Variants in PTPRG observed in about 807,000 individuals in gnomAD.
PTPRG encodes the protein protein tyrosine phosphatase receptor type G, also known as receptor-type tyrosine-protein phosphatase gamma.
In PTPRG, 102 loss-of-function variants were observed where a neutral mutation model predicts 165.3. The ratio of observed to expected loss-of-function variants is 0.62; its 90% CI spans 0.53 to 0.73. The LOEUF (loss-of-function observed/expected upper bound fraction) is 0.73. Among genes scored for constraint, PTPRG ranks in the 30% least tolerant of loss-of-function variants. PTPRG has a pLI of 0.00. For synonymous variants in PTPRG, 675 were observed against 669.5 expected, an observed-to-expected ratio of 1.01 and a Z score of -0.13; for missense variants, 1,866 against 1,861.4, an observed-to-expected ratio of 1.00 and a Z score of -0.05.
intron 1 of PTPRG, among the ~76,000 whole-genome samples, chr3:61,732,602 G>A (rs557804573): frequency 1.3e-5 from 2 of 150,940 alleles, no homozygotes; most frequent in South Asian, 4.2e-4. Context: ...CCAGCTACTC[G>A]GGAGGCTGAG....
At chr3:61,688,156 C>T (rs1703699819) in intron 1 of PTPRG, among the ~76,000 whole-genome samples, 1 of 152,110 alleles carries the variant, frequency 6.6e-6, no homozygotes, top group Non-Finnish European at 1.5e-5. Context: ...TGTCACTCTT[C>T]GACAGAGAGA....
chr3:61,840,444 C>CA (rs1205358390), intron 2 of PTPRG, among the ~76,000 whole-genome samples: 1 of 151,976 alleles, frequency 6.6e-6, no homozygotes, highest in Non-Finnish European at 1.5e-5. Flanking sequence ...TGTTTTAGGG[C>CA]AAAAAACTTA....
rs531878885 is a variant in PTPRG at position 62,187,124 on chromosome 3, C to T, written c.1034-4345C>T. Among the ~76,000 whole-genome samples the T allele has an allele frequency of 2.0e-5, 3 of 152,360 alleles. No individual in the cohort carries two copies. The South Asian group carries it at 6.2e-4, about 32-fold the overall frequency. On this transcript the variant is annotated intron_variant, in intron 8 of 29. Coordinates refer to ENST00000474889, the MANE Select transcript of PTPRG (RefSeq NM_002841.4). The stretch of plus-strand genomic sequence containing the variant: ...AATGAACCAGACAAGACAGAAAAGG[C>T]GCCAGCCTTGTGGAGCTTCCACCTA...
chr3:61,989,652 C>G lies in PTPRG; in HGVS notation c.218C>G (p.Thr73Arg). Residue 73 changes from threonine (T) to arginine (R), a missense_variant, in exon 3 of 30, where the codon ACG (threonine) becomes AGG (arginine). Transcript: ENST00000474889. The part of the protein sequence containing the change: ...SGAYGPEHWV[T>R]SSVSCGGRHQ... ...GCCTATGGTCCTGAGCACTGGGTCACGTCTAGTGTCAGCTGTGGGGGCCGT... is the reference window on the plus strand; with the variant it reads ...GCCTATGGTCCTGAGCACTGGGTCAGGTCTAGTGTCAGCTGTGGGGGCCGT... The G allele has an allele frequency of 6.2e-7, 1 of 1,614,040 alleles. No individual in the cohort carries two copies. The highest frequency in any genetic ancestry group is 8.5e-7 in the Non-Finnish European group (1 of 1,179,972).
chr3:62,185,304 T>G (rs189005661), intron 8 of PTPRG, among the ~76,000 whole-genome samples: 32 of 152,300 alleles, frequency 2.1e-4, no homozygotes, highest in African/African-American at 7.5e-4. Flanking sequence ...AGGGGATATT[T>G]GTTTAGAGAT....
chr3:61,866,836 A>G (rs1221963101), intron 2 of PTPRG, among the ~76,000 whole-genome samples: 7 of 151,930 alleles, frequency 4.6e-5, no homozygotes, highest in Non-Finnish European at 8.8e-5. Flanking sequence ...TGAACTCGTG[A>G]TCCATCCGCC....
At chr3:61,831,255 G>A (rs1374884349) in intron 2 of PTPRG, among the ~76,000 whole-genome samples, 2 of 152,182 alleles carry the variant, frequency 1.3e-5, no homozygotes, top group African/African-American at 4.8e-5. Flanking sequence ...ATAGAAATAT[G>A]TGTGTAAACA....
At chr3:61,608,201 G>A (rs779238133) in intron 1 of PTPRG, among the ~76,000 whole-genome samples, 1 of 151,896 alleles carries the variant, frequency 6.6e-6, no homozygotes. Flanking sequence ...ACAGAGCCTC[G>A]GTTTTGTACA....
intron 2 of PTPRG, among the ~76,000 whole-genome samples, chr3:61,957,740 C>A (rs1465195764): frequency 6.6e-6 from 1 of 152,196 alleles, no homozygotes; most frequent in African/African-American, 2.4e-5. Context: ...GTCTTACAGG[C>A]AATTTGTGAA....
intron 2 of PTPRG, among the ~76,000 whole-genome samples, chr3:61,783,244 G>A (rs1348986590): frequency 1.3e-5 from 2 of 152,166 alleles, no homozygotes; most frequent in Non-Finnish European, 2.9e-5. Flanking sequence ...GGAGGCTGCG[G>A]TGGGAGGATT....
intron 15 of PTPRG, among the ~76,000 whole-genome samples, chr3:62,248,020 CT>C (rs5849470): frequency 0.44 from 66,037 of 150,676 alleles, 15,011 homozygotes; most frequent in African/African-American, 0.55. Flanking sequence ...AGAACGAAGA[CT>C]TTTTTTTTTC....
intron 2 of PTPRG, among the ~76,000 whole-genome samples, chr3:61,818,310 C>T (rs937342364): frequency 2.0e-5 from 3 of 151,968 alleles, no homozygotes; most frequent in Admixed American, 2.0e-4. Flanking sequence ...GAACGTTATA[C>T]ATTAGTTTTA....
intron 1 of PTPRG, among the ~76,000 whole-genome samples, chr3:61,736,633 A>T (rs2032734901): frequency 6.6e-6 from 1 of 152,172 alleles, no homozygotes; most frequent in Non-Finnish European, 1.5e-5. Flanking sequence ...TGCTTTCCAA[A>T]CTTTTTCTTC....
chr3:61,745,678 A>G (rs2033170693), intron 1 of PTPRG, among the ~76,000 whole-genome samples: 2 of 152,222 alleles, frequency 1.3e-5, no homozygotes, highest in South Asian at 4.1e-4. Flanking sequence ...ACCTTTAGAC[A>G]GGCAGTCCTG....
rs376881197 is a variant in PTPRG at position 61,600,159 on chromosome 3, CAAAAAA to C, written c.85+37797_85+37802del. Reference sequence around the variant, plus strand: ...TGGGCGACAGAGTGAGACATTGTCTCAAAAAAAAAAAAAAATATATATATATATATA... The same window carrying C: ...TGGGCGACAGAGTGAGACATTGTCTCAAAAAAAAATATATATATATATATA... On this transcript the variant is annotated intron_variant, in intron 1 of 29. Coordinates refer to ENST00000474889, the MANE Select transcript of PTPRG (RefSeq NM_002841.4). Among the ~76,000 whole-genome samples the C allele has an allele frequency of 1.1e-4, 13 of 113,552 alleles. No individual in the cohort carries two copies. In the East Asian group the frequency reaches 1.3e-3, roughly 12 times the overall value. The allele number at this position is 113,552 out of a possible 152,430, so 74.5% of individuals were successfully genotyped here. A position where few individuals can be genotyped will look rare whatever the true frequency, so the allele number is the denominator to read the frequency against.
chr3:61,787,306 C>T (rs1419309020), intron 2 of PTPRG, among the ~76,000 whole-genome samples: 3 of 152,038 alleles, frequency 2.0e-5, no homozygotes, highest in African/African-American at 7.2e-5. Flanking sequence ...GGAAAGAATC[C>T]GGAAACAAGA....
At chr3:61,863,489 C>G (rs1338396126) in intron 2 of PTPRG, among the ~76,000 whole-genome samples, 1 of 152,198 alleles carries the variant, frequency 6.6e-6, no homozygotes, top group East Asian at 1.9e-4. Flanking sequence ...GCTGCAGATC[C>G]CAGTAGCCTA....
Position 62,243,864 on chromosome 3 carries a change from C to A in PTPRG, c.2433C>A (p.Val811=), listed in dbSNP as rs771236544. Residue 811 remains valine (V), a synonymous_variant, in exon 15 of 30, where the codon GTC becomes GTA. Transcript: ENST00000474889. The part of the protein sequence containing the change: ...YVEDSSSPRV[V]PNESIPIIPI... ...AAGACAGCAGTTCACCTCGAGTGGTCCCTAATGAAAGTATCCCTATTATTC... is the reference window on the plus strand; with the variant it reads ...AAGACAGCAGTTCACCTCGAGTGGTACCTAATGAAAGTATCCCTATTATTC... 28 of 1,588,670 alleles carry A rather than the reference C, an allele frequency of 1.8e-5. No homozygotes were observed. In the Middle Eastern group the frequency reaches 5.0e-4, roughly 28 times the overall value.
intron 4 of PTPRG, among the ~76,000 whole-genome samples, chr3:62,010,488 C>G (rs929096956): frequency 6.6e-6 from 1 of 151,822 alleles, no homozygotes; most frequent in Non-Finnish European, 1.5e-5. Flanking sequence ...AAATGGGGTC[C>G]TGTTCAAATA....
Sources: gnomAD v4.1 joint callset for allele counts (sites outside exome capture counted in the v4.1 genomes callset) on GRCh38, gnomAD v4.1.1 for gene constraint, MANE v1.5 for transcripts, NCBI Gene and HGNC (gene_info 2026-07-23, HGNC 2026-07-21) for gene names.